The following SLC39A11 variants were observed in gnomAD, a reference collection of about 807,000 sequenced individuals.
SLC39A11 encodes solute carrier family 39 member 11, also known as zinc transporter ZIP11.
In SLC39A11, 33 loss-of-function variants were observed where a neutral mutation model predicts 36.1. The ratio of observed to expected loss-of-function variants is 0.91; its 90% CI spans 0.69 to 1.22. The LOEUF (loss-of-function observed/expected upper bound fraction) is 1.22. Ranked by LOEUF, SLC39A11 falls within the 50% of genes most tolerant of loss-of-function variation. The pLI is 0.00. For missense variants in SLC39A11, 432 were observed against 430.3 expected (o/e 1.00, Z -0.03); for synonymous variants, 166 against 170.3 (o/e 0.97, Z 0.20).
intron 3 of SLC39A11, among the ~76,000 whole-genome samples, chr17:73,081,624 TATATACATACACAC>T (rs1485089809): frequency 3.7e-5 from 4 of 107,774 alleles, no homozygotes; most frequent in African/African-American, 1.7e-4. Context: ...TATATATATA[TATATACATACACAC>T]ACACACACAC....
intron 7 of SLC39A11, among the ~76,000 whole-genome samples, chr17:72,677,857 G>A (rs116744577): frequency 8.5e-5 from 13 of 152,286 alleles, no homozygotes; most frequent in African/African-American, 2.9e-4. Context: ...TACACAATGC[G>A]GGAGGGAGAG....
At position 73,006,169 on chromosome 17, in the gene SLC39A11, A is replaced by T. The variant is rs371641648; in HGVS notation, c.306+25387T>A. On this transcript the variant is annotated intron_variant, in intron 4 of 9. Transcript: ENST00000255559. ...CACATGGATAAGGGTGGCGTCCATG[A>T]GATGAGATTAAAAGTGTATTTTCCT... is the stretch of plus-strand genomic sequence containing the variant. Among the ~76,000 whole-genome samples, 42 of 152,292 alleles carry T rather than the reference A, an allele frequency of 2.8e-4. No individual in the cohort carries two copies. In the South Asian group the frequency reaches 7.5e-3, roughly 27 times the overall value.
intron 5 of SLC39A11, among the ~76,000 whole-genome samples, chr17:72,912,670 G>A (rs115372307): frequency 2.6e-5 from 4 of 151,600 alleles, no homozygotes; most frequent in African/African-American, 7.3e-5. Context: ...CTGAGGGTAC[G>A]GGGGTGAGGA....
chr17:72,752,120 G>A (rs545236848), intron 6 of SLC39A11, among the ~76,000 whole-genome samples: 1 of 152,214 alleles, frequency 6.6e-6, no homozygotes, highest in Non-Finnish European at 1.5e-5. Context: ...AACCTCCTAC[G>A]GGATGTGTGG....
intron 4 of SLC39A11, among the ~76,000 whole-genome samples, chr17:72,998,219 A>G (rs1181245451): frequency 1.3e-5 from 2 of 152,086 alleles, no homozygotes; most frequent in Non-Finnish European, 2.9e-5. Flanking sequence ...CCCCATGGAT[A>G]AGGACCACCA....
At chr17:72,797,741 T>C (rs2076941743) in intron 6 of SLC39A11, among the ~76,000 whole-genome samples, 1 of 152,124 alleles carries the variant, frequency 6.6e-6, no homozygotes, top group Non-Finnish European at 1.5e-5. Context: ...GTGTCCAATC[T>C]AAGCTCGCAG....
rs940472635 is a variant in SLC39A11, at chr17:72,890,999, G to A, written c.431-41195C>T. Among the ~76,000 whole-genome samples the A allele has an allele frequency of 3.3e-5, 5 of 151,852 alleles. No individual in the cohort carries two copies. In the East Asian group the frequency reaches 9.7e-4, roughly 29 times the overall value. On this transcript the variant is annotated intron_variant, in intron 5 of 9. Coordinates refer to ENST00000255559, the MANE Select transcript of SLC39A11 (RefSeq NM_139177.4). ...GTTTAGTGGGTCGCTGATCACAAGG[G>A]GGTGGAAAGTGAAGAAATGCAAATA... is the stretch of plus-strand genomic sequence containing the variant.
intron 7 of SLC39A11, among the ~76,000 whole-genome samples, chr17:72,689,263 T>C (rs1008073541): frequency 6.6e-5 from 10 of 152,200 alleles, no homozygotes; most frequent in African/African-American, 2.2e-4. Context: ...TCTCCCAAGA[T>C]AGGGAGGAGG....
intron 7 of SLC39A11, among the ~76,000 whole-genome samples, chr17:72,660,317 T>C (rs1021999575): frequency 4.6e-5 from 7 of 152,244 alleles, no homozygotes; most frequent in Non-Finnish European, 7.3e-5. Context: ...TAACCACTGC[T>C]GTTATTTATT....
At chr17:72,896,761 G>C (rs2082049225) in intron 5 of SLC39A11, among the ~76,000 whole-genome samples, 1 of 151,938 alleles carries the variant, frequency 6.6e-6, no homozygotes, top group African/African-American at 2.4e-5. Flanking sequence ...CTTAAGAAAA[G>C]TCCTCACAGC....
chr17:72,757,643 ATT>A (rs568776835), intron 6 of SLC39A11, among the ~76,000 whole-genome samples: 55 of 140,692 alleles, frequency 3.9e-4, no homozygotes, highest in African/African-American at 4.9e-4. Flanking sequence ...TGTCTGGCAC[ATT>A]TTTTTTTTTT....
intron 4 of SLC39A11, among the ~76,000 whole-genome samples, chr17:72,954,769 C>T (rs539597676): frequency 1.3e-5 from 2 of 152,276 alleles, no homozygotes; most frequent in South Asian, 2.1e-4. Context: ...TCCTCGGGAG[C>T]CCGGCACCAG....
chr17:72,915,409 A>G (rs1030319481), intron 5 of SLC39A11, among the ~76,000 whole-genome samples: 2 of 152,192 alleles, frequency 1.3e-5, no homozygotes, highest in Admixed American at 1.3e-4. Context: ...GAAAATCCCA[A>G]CAAAGGCTCT....
At chr17:73,004,198 A>AG (rs368014051) in intron 4 of SLC39A11, among the ~76,000 whole-genome samples, 14 of 101,176 alleles carry the variant, frequency 1.4e-4, no homozygotes, top group African/African-American at 4.8e-4. Flanking sequence ...AAAGAAAGAA[A>AG]GAAAGAAAGA....
intron 7 of SLC39A11, among the ~76,000 whole-genome samples, chr17:72,708,940 CTTT>C (rs397857013): frequency 6.9e-6 from 1 of 145,430 alleles, no homozygotes. Flanking sequence ...TTTTTCTTTT[CTTT>C]TTTTTTTTTT....
Position 72,874,522 on chromosome 17 carries a change from C to A in SLC39A11, c.431-24718G>T, listed in dbSNP as rs568295938. On this transcript the variant is annotated intron_variant, in intron 5 of 9. Transcript: ENST00000255559. ...CACCAGGAGGGAGGGGAAAACCCCG[C>A]TGCTGGTAATTCAAGGTCCTATAAT... 3.3e-5 allele frequency among the ~76,000 whole-genome samples: 5 copies of A among 152,320 alleles called. No individual in the cohort carries two copies. In the South Asian group the frequency reaches 1.0e-3, roughly 32 times the overall value.
chr17:73,046,749 C>A (rs2059307225), intron 3 of SLC39A11, among the ~76,000 whole-genome samples: 2 of 152,130 alleles, frequency 1.3e-5, no homozygotes, highest in Non-Finnish European at 2.9e-5. Flanking sequence ...CCAGACCAGC[C>A]TGGGCAACAT....
chr17:72,808,786 G>C (rs1475593130), intron 6 of SLC39A11, among the ~76,000 whole-genome samples: 1 of 151,654 alleles, frequency 6.6e-6, no homozygotes, highest in Non-Finnish European at 1.5e-5. Flanking sequence ...ATCCTGTCCT[G>C]TGGCTCCCAC....
chr17:72,952,794 C>T (rs1598566666), intron 4 of SLC39A11, among the ~76,000 whole-genome samples: 1 of 152,176 alleles, frequency 6.6e-6, no homozygotes, highest in Admixed American at 6.5e-5. Context: ...AAACACGTGA[C>T]CAACGCAAGC....
Sources: gnomAD v4.1 joint callset for allele counts (sites outside exome capture counted in the v4.1 genomes callset) on GRCh38, gnomAD v4.1.1 for gene constraint, MANE v1.5 for transcripts, NCBI Gene and HGNC (gene_info 2026-07-23, HGNC 2026-07-21) for gene names.